The following TTC7B variants were observed in gnomAD, a reference collection of about 807,000 sequenced individuals.
TTC7B encodes the protein tetratricopeptide repeat protein 7B.
A neutral mutation model predicts 106.8 loss-of-function variants in TTC7B; 28 were observed. That is an observed-to-expected ratio of 0.26 (90% CI 0.19 to 0.36). The LOEUF is 0.36. Among genes scored for constraint, TTC7B ranks in the 10% least tolerant of loss-of-function variants. The pLI, the probability that TTC7B is intolerant of heterozygous loss-of-function variation, is 1.00. For missense variants in TTC7B, 862 were observed against 1,076.4 expected (o/e 0.80, Z 2.79); for synonymous variants, 405 against 430.6 (o/e 0.94, Z 0.74).
chr14:90,642,974 A>G (rs1460080724), intron 15 of TTC7B, among the ~76,000 whole-genome samples: 1 of 152,102 alleles, frequency 6.6e-6, no homozygotes, highest in East Asian at 1.9e-4. Context: ...GTTCAACATC[A>G]CTTCTGCCAT....
chr14:90,723,469 C>A (rs1399782917), intron 5 of TTC7B, among the ~76,000 whole-genome samples: 1 of 152,218 alleles, frequency 6.6e-6, no homozygotes, highest in Admixed American at 6.5e-5. Flanking sequence ...CAGACTGAGA[C>A]AGTTTGTGAC....
At chr14:90,595,793 G>C (rs1034135474) in intron 17 of TTC7B, among the ~76,000 whole-genome samples, 1 of 152,164 alleles carries the variant, frequency 6.6e-6, no homozygotes, top group African/African-American at 2.4e-5. Flanking sequence ...GTGAGGACTG[G>C]CATCTTTGTT....
At chr14:90,780,427 G>C (rs1891173631) in intron 3 of TTC7B, among the ~76,000 whole-genome samples, 1 of 131,408 alleles carries the variant, frequency 7.6e-6, no homozygotes, top group Non-Finnish European at 1.6e-5. Flanking sequence ...AAGAAAGAAA[G>C]AAAGAGAGAG....
chr14:90,646,747 C>T (rs2139885902), intron 14 of TTC7B: 2 of 570,792 alleles, frequency 3.5e-6, no homozygotes, highest in South Asian at 4.1e-5. Context: ...AATAGCAGAG[C>T]CTGGAACTCC....
intron 15 of TTC7B, among the ~76,000 whole-genome samples, chr14:90,641,414 G>T (rs1885166051): frequency 6.6e-6 from 1 of 152,146 alleles, no homozygotes; most frequent in Non-Finnish European, 1.5e-5. Context: ...CTACAGTTCT[G>T]CTGCAGACAA....
At chr14:90,749,642 C>T (rs377397444) in intron 3 of TTC7B, among the ~76,000 whole-genome samples, 2 of 151,142 alleles carry the variant, frequency 1.3e-5, no homozygotes, top group East Asian at 3.9e-4. Context: ...TGACCTCAGG[C>T]AATCCACCTG....
intron 19 of TTC7B, among the ~76,000 whole-genome samples, chr14:90,543,821 T>C (rs1017608229): frequency 7.2e-5 from 11 of 152,204 alleles, no homozygotes; most frequent in Non-Finnish European, 1.5e-4. Context: ...AGCATGTCAC[T>C]CACGAGGCAA....
chr14:90,796,240 C>T (rs2140051032), intron 1 of TTC7B, among the ~76,000 whole-genome samples: 1 of 152,292 alleles, frequency 6.6e-6, no homozygotes, highest in South Asian at 2.1e-4. Context: ...TAAAGAGGGA[C>T]TCAAGGGTAC....
At chr14:90,694,672 T>G (rs1169806515) in intron 6 of TTC7B, among the ~76,000 whole-genome samples, 3 of 103,808 alleles carry the variant, frequency 2.9e-5, no homozygotes, top group Non-Finnish European at 5.9e-5. Flanking sequence ...TATAAATATA[T>G]GTATATTTTT....
chr14:90,810,567 TAA>T (rs755400919), intron 1 of TTC7B, among the ~76,000 whole-genome samples: 1 of 152,226 alleles, frequency 6.6e-6, no homozygotes, highest in Non-Finnish European at 1.5e-5. Context: ...TTCTTTGTTT[TAA>T]AAGTGTATTA....
chr14:90,585,367 C>A (rs913584656), intron 18 of TTC7B, among the ~76,000 whole-genome samples: 1 of 152,222 alleles, frequency 6.6e-6, no homozygotes, highest in Admixed American at 6.5e-5. Context: ...CCTGACCCAT[C>A]CCCTCCGCTG....
At chr14:90,748,617 A>G (rs1890042899) in intron 3 of TTC7B, among the ~76,000 whole-genome samples, 1 of 152,088 alleles carries the variant, frequency 6.6e-6, no homozygotes, top group Admixed American at 6.6e-5. Flanking sequence ...TTGAGCCACC[A>G]TGCCCAGCTC....
intron 5 of TTC7B, among the ~76,000 whole-genome samples, chr14:90,708,365 A>G (rs139300081): frequency 7.9e-5 from 12 of 152,322 alleles, no homozygotes; most frequent in Non-Finnish European, 1.2e-4. Context: ...ACAAAGCTTC[A>G]AAGGACAGGC....
Position 90,645,865 on chromosome 14 carries a change from A to G in TTC7B, c.1590+1086T>C, listed in dbSNP as rs996164361. Among the ~76,000 whole-genome samples, 6 of 152,228 alleles carry G rather than the reference A, an allele frequency of 3.9e-5. No homozygotes were observed. The East Asian group carries it at 9.6e-4, about 24-fold the overall frequency. On this transcript the variant is annotated intron_variant, in intron 14 of 19. Transcript: ENST00000328459. ...GGGTAAAGCAATGACAATGATGGGC[A>G]TGGGTTCCTGGAACCTACAGTCCAG...
At position 90,610,780 on chromosome 14, in the gene TTC7B, T is replaced by C. The variant is rs1464230749; in HGVS notation, c.1928A>G (p.Asn643Ser). ...GCTGAAGTCTGGCAAAGTAATTGTA[T>C]TAAGCTGTCGTCTGTCAGCAATGGT... Reference protein sequence around the residue: ...DRTIADRRQLNTITLPDFSDP... With the variant: ...DRTIADRRQLSTITLPDFSDP... Residue 643 changes from asparagine (N) to serine (S), a missense_variant, in exon 17 of 20, where the codon AAT (asparagine) becomes AGT (serine). Coordinates refer to ENST00000328459, the MANE Select transcript of TTC7B (RefSeq NM_001010854.2). 6.2e-7 allele frequency: 1 copy of C among 1,614,104 alleles called. No homozygotes were observed. The highest frequency in any genetic ancestry group is 1.1e-5 in the South Asian group (1 of 91,076).
chr14:90,566,800 C>G (rs1454489003), intron 19 of TTC7B, among the ~76,000 whole-genome samples: 1 of 152,164 alleles, frequency 6.6e-6, no homozygotes, highest in East Asian at 1.9e-4. Context: ...TCTCTAAGGG[C>G]TTTTCCAAAG....
intron 15 of TTC7B, among the ~76,000 whole-genome samples, chr14:90,636,897 A>G (rs931468223): frequency 6.6e-6 from 1 of 151,876 alleles, no homozygotes; most frequent in Non-Finnish European, 1.5e-5. Flanking sequence ...ATTTAGAGGA[A>G]AATTTTTAGT....
At chr14:90,787,146 G>A (rs867542656) in intron 1 of TTC7B, among the ~76,000 whole-genome samples, 16 of 152,274 alleles carry the variant, frequency 1.1e-4, no homozygotes, top group African/African-American at 3.6e-4. Flanking sequence ...CAGAGTGTTC[G>A]TCTGTTTCTG....
At position 90,808,406 on chromosome 14, in the gene TTC7B, A is replaced by C. The variant is rs542836851; in HGVS notation, c.121+7769T>G. On this transcript the variant is annotated intron_variant, in intron 1 of 19. Coordinates refer to ENST00000328459, the MANE Select transcript of TTC7B (RefSeq NM_001010854.2). The surrounding 1 kb of genome is among the most constrained non-coding windows in gnomAD (Gnocchi z 4.2). ...AGGACAGCTACAGTTTCAGATGATC[A>C]TGTGATGTGTACAAGGTGGCTTGGA... 6.6e-6 allele frequency among the ~76,000 whole-genome samples: 1 copy of C among 152,360 alleles called. No individual in the cohort carries two copies. The highest frequency in any genetic ancestry group is 2.1e-4 in the South Asian group (1 of 4,830).
Sources: allele counts gnomAD v4.1 joint callset (sites outside exome capture counted in the v4.1 genomes callset), GRCh38; gene constraint gnomAD v4.1.1; non-coding constraint Gnocchi (gnomAD v3.1); transcripts MANE v1.5; gene names NCBI Gene and HGNC (gene_info 2026-07-23, HGNC 2026-07-21).